Variants in PTPRM observed in about 807,000 individuals in gnomAD.
The protein encoded by PTPRM is receptor-type tyrosine-protein phosphatase mu.
Under a neutral mutation model 186.7 loss-of-function variants are expected in PTPRM, and 47 were observed. The ratio of observed to expected loss-of-function variants is 0.25; its 90% CI spans 0.20 to 0.32. PTPRM has a LOEUF of 0.32. Ranked by LOEUF, PTPRM falls within the 10% of genes least tolerant of loss-of-function variation. PTPRM has a pLI of 1.00. For missense variants in PTPRM, 1,494 were observed against 1,865.0 expected, an observed-to-expected ratio of 0.80 and a Z score of 3.66; for synonymous variants, 668 against 674.9, an observed-to-expected ratio of 0.99 and a Z score of 0.16.
chr18:8,148,561 T>C (rs1406065312), intron 14 of PTPRM, among the ~76,000 whole-genome samples: 1 of 152,196 alleles, frequency 6.6e-6, no homozygotes, highest in Non-Finnish European at 1.5e-5. Context: ...TTAGTCTGGC[T>C]CGTGGTCTAG....
chr18:7,943,537 T>C (rs1207053323), intron 5 of PTPRM, among the ~76,000 whole-genome samples: 2 of 152,186 alleles, frequency 1.3e-5, no homozygotes, highest in Non-Finnish European at 2.9e-5. Context: ...GGCATCCTAT[T>C]GCTGCTGTAA....
intron 7 of PTPRM, among the ~76,000 whole-genome samples, chr18:8,064,889 C>A (rs2088938056): frequency 6.6e-6 from 1 of 152,154 alleles, no homozygotes; most frequent in Non-Finnish European, 1.5e-5. Flanking sequence ...GTAAAGGGAG[C>A]TATTGCTTTA....
At chr18:7,749,605 G>A (rs2041114547) in intron 1 of PTPRM, among the ~76,000 whole-genome samples, 1 of 152,132 alleles carries the variant, frequency 6.6e-6, no homozygotes, top group African/African-American at 2.4e-5. Flanking sequence ...GGTAATTAGA[G>A]TCTGGCCCCA....
chr18:7,838,416 T>TCC (rs2046161971), intron 2 of PTPRM, among the ~76,000 whole-genome samples: 1 of 152,226 alleles, frequency 6.6e-6, no homozygotes, highest in Admixed American at 6.5e-5. Context: ...AATGATATCA[T>TCC]AGAGGTACCA....
chr18:7,909,240 G>A (rs910505399), intron 4 of PTPRM, among the ~76,000 whole-genome samples: 18 of 152,182 alleles, frequency 1.2e-4, no homozygotes, highest in African/African-American at 2.7e-4. Flanking sequence ...CATGTCTCAA[G>A]CAATTTTGTT....
intron 6 of PTPRM, among the ~76,000 whole-genome samples, chr18:7,952,097 A>G (rs76895404): frequency 0.023 from 3,543 of 152,320 alleles, 133 homozygotes; most frequent in African/African-American, 0.081. Flanking sequence ...GCATATATAT[A>G]TCAATACCCT....
intron 13 of PTPRM, among the ~76,000 whole-genome samples, chr18:8,116,999 T>G (rs571707609): frequency 7.9e-5 from 12 of 152,220 alleles, no homozygotes; most frequent in Non-Finnish European, 1.8e-4. Context: ...AGAGGAAACC[T>G]TGGAAGATAT....
intron 1 of PTPRM, among the ~76,000 whole-genome samples, chr18:7,582,706 C>T (rs1475878640): frequency 6.6e-6 from 1 of 152,208 alleles, no homozygotes; most frequent in Non-Finnish European, 1.5e-5. Flanking sequence ...GTTGGAAGAA[C>T]TGCGTTCAAG....
intron 7 of PTPRM, among the ~76,000 whole-genome samples, chr18:7,988,240 A>T (rs1013590776): frequency 6.6e-6 from 1 of 152,072 alleles, no homozygotes; most frequent in Non-Finnish European, 1.5e-5. Context: ...AACCAAACAA[A>T]CAAAAAAGAA....
chr18:8,298,099 G>A (rs1489513373), intron 20 of PTPRM, among the ~76,000 whole-genome samples: 1 of 152,202 alleles, frequency 6.6e-6, no homozygotes, highest in Non-Finnish European at 1.5e-5. Context: ...CTAGCGCCGT[G>A]ACACAGGGTT....
At chr18:8,289,360 A>T (rs1340065084) in intron 19 of PTPRM, among the ~76,000 whole-genome samples, 4 of 149,524 alleles carry the variant, frequency 2.7e-5, no homozygotes, top group Non-Finnish European at 5.9e-5. Context: ...GTCAGACATC[A>T]TGGGGACTGT....
At chr18:7,844,610 A>T (rs965620894) in intron 2 of PTPRM, among the ~76,000 whole-genome samples, 3 of 152,138 alleles carry the variant, frequency 2.0e-5, no homozygotes, top group Admixed American at 1.3e-4. Context: ...CTGGAATGTG[A>T]TGTAATTACT....
At chr18:8,247,810 C>T in intron 15 of PTPRM, 35 bp from the exon 16 acceptor site, 1 of 1,492,526 alleles carries the variant, frequency 6.7e-7, no homozygotes, top group Non-Finnish European at 9.3e-7. Context: ...TATTACCTCT[C>T]TGCTGCCCCT....
chr18:7,854,863 C>T (rs1418087393), intron 2 of PTPRM, among the ~76,000 whole-genome samples: 1 of 151,796 alleles, frequency 6.6e-6, no homozygotes, highest in East Asian at 1.9e-4. Flanking sequence ...TTGCTTCATC[C>T]AGCCGACCTA....
chr18:7,995,455 C>G (rs1156652143), intron 7 of PTPRM: 3 of 152,094 alleles, frequency 2.0e-5, no homozygotes, highest in Non-Finnish European at 2.9e-5. Context: ...ATACCAAAAC[C>G]AGACAAGGAT....
intron 7 of PTPRM, among the ~76,000 whole-genome samples, chr18:8,064,848 G>C (rs2088934637): frequency 6.6e-6 from 1 of 152,168 alleles, no homozygotes; most frequent in Non-Finnish European, 1.5e-5. Flanking sequence ...TAGTTACTCA[G>C]ACCTTTGCTC....
At chr18:7,814,451 G>T (rs1010716788) in intron 2 of PTPRM, 4 of 152,216 alleles carry the variant, frequency 2.6e-5, no homozygotes, top group Non-Finnish European at 5.9e-5. Flanking sequence ...TGGAAGAATG[G>T]ATGATATTTC....
At chr18:7,744,828 A>G (rs1329589883) in intron 1 of PTPRM, among the ~76,000 whole-genome samples, 1 of 152,140 alleles carries the variant, frequency 6.6e-6, no homozygotes, top group African/African-American at 2.4e-5. Context: ...ATATTTTCTC[A>G]TAAGAAAAAA....
At chr18:7,605,164 A>T (rs1323863504) in intron 1 of PTPRM, among the ~76,000 whole-genome samples, 3 of 151,006 alleles carry the variant, frequency 2.0e-5, no homozygotes. Context: ...ACTAACACTA[A>T]TGATAACTGA....
Sources: gnomAD v4.1 joint callset for allele counts (sites outside exome capture counted in the v4.1 genomes callset) on GRCh38, gnomAD v4.1.1 for gene constraint, MANE v1.5 for transcripts, NCBI Gene and HGNC (gene_info 2026-07-23, HGNC 2026-07-21) for gene names.